Variants in COPG2 observed in about 807,000 individuals in gnomAD.
COPG2 encodes coatomer subunit gamma-2.
COPG2 carries 37 observed loss-of-function variants against 46.3 expected under a neutral mutation model. The observed-to-expected ratio is 0.80, with a 90% CI of 0.61 to 1.05. The LOEUF (loss-of-function observed/expected upper bound fraction) is 1.05. Among genes scored for constraint, COPG2 ranks in the 50% least tolerant of loss-of-function variants. COPG2 has a pLI of 0.00. For missense variants in COPG2, 427 were observed against 387.8 expected (o/e 1.10, Z -0.85); for synonymous variants, 159 against 129.7 (o/e 1.23, Z -1.53).
At chr7:130,533,994 G>GA (rs1299655093) in intron 20 of COPG2, among the ~76,000 whole-genome samples, 2 of 146,894 alleles carry the variant, frequency 1.4e-5, no homozygotes, top group Non-Finnish European at 3.0e-5. Context: ...GGTGGGGGGG[G>GA]TGGAGCAGAG....
At chr7:130,631,744 T>TAA (rs35577789) in intron 5 of COPG2, among the ~76,000 whole-genome samples, 1 of 151,584 alleles carries the variant, frequency 6.6e-6, no homozygotes, top group East Asian at 1.9e-4. Context: ...CATACTAAAT[T>TAA]CTTTTCTTTA....
At chr7:130,557,800 A>G (rs1442479938) in intron 12 of COPG2, among the ~76,000 whole-genome samples, 2 of 135,666 alleles carry the variant, frequency 1.5e-5, no homozygotes, top group Non-Finnish European at 3.1e-5. Context: ...CTGGGCAGCA[A>G]GAATGAAACT....
intron 9 of COPG2, among the ~76,000 whole-genome samples, chr7:130,578,642 G>A (rs1794064441): frequency 6.6e-6 from 1 of 152,234 alleles, no homozygotes; most frequent in East Asian, 1.9e-4. Context: ...CCAATACAGA[G>A]AAGTGCTTAA....
chr7:130,548,504 G>A lies in COPG2; in HGVS notation c.1876C>T (p.Pro626Ser). 7 of 398,588 alleles carry A rather than the reference G, an allele frequency of 1.8e-5. No homozygotes were observed. In the East Asian group the frequency reaches 2.5e-4, roughly 14 times the overall value. The allele number at this position is 398,588 out of a possible 1,614,324, so 24.7% of individuals were successfully genotyped here. A position where few individuals can be genotyped will look rare whatever the true frequency, so the allele number is the denominator to read the frequency against. ...AAIPEFLNIG[P>S]LFKSSEPVQL... Reference sequence around the variant, plus strand: ...ACAGGCTCAGAAGACTTGAACAAGGGTCCTATATTCAGAAACTCAGGAATG... The same window carrying A: ...ACAGGCTCAGAAGACTTGAACAAGGATCCTATATTCAGAAACTCAGGAATG... Residue 626 changes from proline to serine, a missense_variant, in exon 19 of 24, where the codon CCC becomes TCC. Pro to Ser is a moderately conservative substitution (Grantham distance 74). Transcript: ENST00000425248.
chr7:130,618,293 G>A (rs1195431491), intron 5 of COPG2, among the ~76,000 whole-genome samples: 1 of 152,028 alleles, frequency 6.6e-6, no homozygotes, highest in Non-Finnish European at 1.5e-5. Flanking sequence ...CACTCGTTCA[G>A]TAATTTAAGT....
intron 5 of COPG2, among the ~76,000 whole-genome samples, chr7:130,617,278 G>C (rs1794966735): frequency 6.6e-6 from 1 of 152,112 alleles, no homozygotes; most frequent in South Asian, 2.1e-4. Context: ...TTAGTAAAAA[G>C]CAAAAAGTCC....
At chr7:130,534,585 G>A (rs1799860862) in intron 20 of COPG2, among the ~76,000 whole-genome samples, 1 of 152,170 alleles carries the variant, frequency 6.6e-6, no homozygotes, top group African/African-American at 2.4e-5. Context: ...TGGGGATGCA[G>A]CAATACAGAG....
intron 5 of COPG2, among the ~76,000 whole-genome samples, chr7:130,630,587 T>C (rs1795209790): frequency 6.6e-6 from 1 of 152,226 alleles, no homozygotes; most frequent in Non-Finnish European, 1.5e-5. Context: ...ATTTCCAGCT[T>C]TAATTGTGGA....
At chr7:130,564,808 C>G (rs997400794) in intron 9 of COPG2, among the ~76,000 whole-genome samples, 4 of 152,142 alleles carry the variant, frequency 2.6e-5, no homozygotes, top group African/African-American at 9.7e-5. Flanking sequence ...AAAATCTCAT[C>G]CCCAGAGAAC....
At chr7:130,595,476 T>C (rs1028887088) in intron 9 of COPG2, among the ~76,000 whole-genome samples, 14 of 152,332 alleles carry the variant, frequency 9.2e-5, no homozygotes, top group African/African-American at 3.4e-4. Flanking sequence ...AAATTAACTA[T>C]ATACTTTTAA....
intron 9 of COPG2, 118 bp from the exon 10 acceptor site, chr7:130,564,511 T>C (rs1256654976): frequency 5.0e-6 from 2 of 397,114 alleles, no homozygotes; most frequent in African/African-American, 4.1e-5. Flanking sequence ...GAGGGATTTC[T>C]AAAAATTCAT....
chr7:130,554,533 A>G lies in COPG2; in HGVS notation c.1416T>C (p.Tyr472=), dbSNP rs1793587213. The change falls in exon 14 of 24, where the codon TAT becomes TAC. Residue 472 remains tyrosine, a synonymous_variant. Coordinates refer to ENST00000425248, the MANE Select transcript of COPG2 (RefSeq NM_012133.6). ...CAACCCTATTAAAAATAAAACGGAT[A>G]TATTTGGAGGGGACAGGCGTTCTAG... The part of the protein sequence containing the change: ...EGPRTPVPSK[Y]IRFIFNRVVL... 1 of 398,484 alleles carries G rather than the reference A, an allele frequency of 2.5e-6. No homozygotes were observed. The highest frequency in any genetic ancestry group is 4.4e-6 in the Non-Finnish European group (1 of 226,076). 24.7% of individuals were successfully genotyped at this position (398,484 alleles called of 1,614,324 possible). A position where few individuals can be genotyped will look rare whatever the true frequency, so the allele number is the denominator to read the frequency against.
chr7:130,588,036 C>T (rs1794316792), intron 9 of COPG2, among the ~76,000 whole-genome samples: 1 of 151,974 alleles, frequency 6.6e-6, no homozygotes. Flanking sequence ...CCAAAAAACA[C>T]ATGAAAAAAT....
At chr7:130,632,063 T>C (rs1795243865) in intron 5 of COPG2, among the ~76,000 whole-genome samples, 1 of 152,222 alleles carries the variant, frequency 6.6e-6, no homozygotes, top group African/African-American at 2.4e-5. Context: ...TATCCATATG[T>C]TGTTTTGGTG....
At chr7:130,583,224 A>C (rs1794189134) in intron 9 of COPG2, among the ~76,000 whole-genome samples, 1 of 151,508 alleles carries the variant, frequency 6.6e-6, no homozygotes, top group Admixed American at 6.6e-5. Context: ...GGAAATCATC[A>C]TTCTCAGTAA....
chr7:130,550,028 G>A lies in COPG2; in HGVS notation c.1774+496C>T, dbSNP rs2099660642. Among the ~76,000 whole-genome samples the A allele has an allele frequency of 3.3e-5, 5 of 152,116 alleles. No individual in the cohort carries two copies. In the South Asian group the frequency reaches 1.0e-3, roughly 32 times the overall value. On this transcript the variant is annotated intron_variant, in intron 17 of 23. Coordinates refer to ENST00000425248, the MANE Select transcript of COPG2 (RefSeq NM_012133.6). ...ATTAAAAAAAACCCTTCATTTTGGA[G>A]TGCATTTCATCTTACTGCTTTTATG...
intron 11 of COPG2, among the ~76,000 whole-genome samples, chr7:130,561,867 A>G (rs1215044677): frequency 2.6e-5 from 4 of 152,180 alleles, no homozygotes; most frequent in African/African-American, 9.7e-5. Flanking sequence ...AATTTATACC[A>G]CTTGACAAGG....
At chr7:130,657,611 G>C (rs1483771171) in intron 4 of COPG2, among the ~76,000 whole-genome samples, 3 of 152,104 alleles carry the variant, frequency 2.0e-5, no homozygotes, top group African/African-American at 7.2e-5. Context: ...CATATACTGA[G>C]AGACAATAAT....
Position 130,507,698 on chromosome 7 carries a change from G to C in COPG2, c.2373C>G (p.Thr791=). 1.3e-6 allele frequency: 1 copy of C among 780,252 alleles called. No homozygotes were observed. Among genetic ancestry groups the C allele is most frequent in the Non-Finnish European group, 2.4e-6 (1 of 417,782 alleles). 48.3% of individuals were successfully genotyped at this position (780,252 alleles called of 1,614,324 possible). A position where few individuals can be genotyped will look rare whatever the true frequency, so the allele number is the denominator to read the frequency against. The change falls in exon 22 of 24, where the codon ACC becomes ACG. Residue 791 remains threonine (T), a synonymous_variant. Coordinates refer to ENST00000425248, the MANE Select transcript of COPG2 (RefSeq NM_012133.6). ...EKEETFALSS[T]KTLEEAVNNI... ...AATGGGTCTCACCTTCAAGGGTTTT[G>C]GTAGAACTGAGGGCAAAGGTTTCCT...
Sources: gnomAD v4.1 joint callset for allele counts (sites outside exome capture counted in the v4.1 genomes callset) on GRCh38, gnomAD v4.1.1 for gene constraint, MANE v1.5 for transcripts, NCBI Gene and HGNC (gene_info 2026-07-23, HGNC 2026-07-21) for gene names.